The following SIMC1 variants were observed in gnomAD, a reference collection of about 807,000 sequenced individuals.
SIMC1 encodes SUMO-interacting motif-containing protein 1.
In SIMC1, 55 loss-of-function variants were observed where a neutral mutation model predicts 82.3. The observed-to-expected ratio is 0.67, with a 90% CI of 0.54 to 0.84. The LOEUF is 0.84. SIMC1 is among the 40% of genes least tolerant of loss of function. The pLI, the probability that SIMC1 is intolerant of heterozygous loss-of-function variation, is 0.00. For missense variants in SIMC1, 915 were observed against 1,107.2 expected, an observed-to-expected ratio of 0.83 and a Z score of 2.46; for synonymous variants, 353 against 426.3, an observed-to-expected ratio of 0.83 and a Z score of 2.12.
intron 1 of SIMC1, among the ~76,000 whole-genome samples, chr5:176,280,623 C>T (rs1762954505): frequency 6.6e-6 from 1 of 152,072 alleles, no homozygotes; most frequent in Non-Finnish European, 1.5e-5. Context: ...TCTTGTACGG[C>T]AGGCCTGGTG....
At chr5:176,248,113 C>T (rs1259033069) in intron 1 of SIMC1, among the ~76,000 whole-genome samples, 1 of 151,916 alleles carries the variant, frequency 6.6e-6, no homozygotes, top group Non-Finnish European at 1.5e-5. Flanking sequence ...TCCTTATGAA[C>T]TTTAAAGTAG....
chr5:176,276,830 C>A lies in SIMC1; in HGVS notation c.130-12824C>A, dbSNP rs1353934162. Among the ~76,000 whole-genome samples the A allele has an allele frequency of 2.4e-3, 353 of 145,284 alleles. 3 individuals carry two copies. The highest frequency in any genetic ancestry group is 0.01 in the Middle Eastern group (3 of 290). On this transcript the variant is annotated intron_variant, in intron 1 of 9. Transcript: ENST00000429602. ...CCATGGTGTATATGTGCCACATTTTCTTAATCCAGTCTATCATTGTTGGAC... is the reference window on the plus strand; with the variant it reads ...CCATGGTGTATATGTGCCACATTTTATTAATCCAGTCTATCATTGTTGGAC...
At chr5:176,258,818 C>A (rs1220498165) in intron 1 of SIMC1, among the ~76,000 whole-genome samples, 1 of 152,098 alleles carries the variant, frequency 6.6e-6, no homozygotes, top group Non-Finnish European at 1.5e-5. Flanking sequence ...CAGATCACTT[C>A]CAACATCCCT....
intron 1 of SIMC1, among the ~76,000 whole-genome samples, chr5:176,288,423 G>GAATGAATGAATAAATAAATA (rs1554109230): frequency 7.9e-5 from 10 of 126,738 alleles, no homozygotes; most frequent in Non-Finnish European, 1.5e-4. Context: ...ATGAATGAAT[G>GAATGAATGAATAAATAAATA]AATAAATAAA....
At chr5:176,265,081 G>T (rs1177868601) in intron 1 of SIMC1, among the ~76,000 whole-genome samples, 2 of 152,118 alleles carry the variant, frequency 1.3e-5, no homozygotes, top group Non-Finnish European at 2.9e-5. Context: ...CCTATTTCCA[G>T]ATGACATGAT....
chr5:176,336,731 T>C lies in SIMC1; in HGVS notation c.2183T>C (p.Phe728Ser), dbSNP rs1765912385. ...IPERSQREMF[F>S]TTMESHLLRC... is the part of the protein sequence containing the mutation. ...TCTTCTCCACACAGAGAAATGTTCT[T>C]TACTACCATGGAAAGCCACCTTCTG... The change falls in exon 8 of 10, where the codon TTT becomes TCT. Residue 728 changes from phenylalanine to serine, a missense_variant. Transcript: ENST00000429602. The C allele has an allele frequency of 2.5e-6, 4 of 1,613,860 alleles. No individual in the cohort carries two copies. Among genetic ancestry groups the C allele is most frequent in the Non-Finnish European group, 3.4e-6 (4 of 1,179,890 alleles).
chr5:176,313,692 G>A lies in SIMC1; in HGVS notation c.1736G>A (p.Gly579Glu), dbSNP rs1764771135. 3.1e-6 allele frequency: 5 copies of A among 1,613,350 alleles called. No homozygotes were observed. Among genetic ancestry groups the A allele is most frequent in the Admixed American group, 1.7e-5 (1 of 59,870 alleles). Reference sequence around the variant, plus strand: ...GACTTCTCATTCTTTTTCCCACAGGGACAAACTCTGCCTGGGCGAGTCCTT... The same window carrying A: ...GACTTCTCATTCTTTTTCCCACAGGAACAAACTCTGCCTGGGCGAGTCCTT... ...KLLTYVMEEE[G>E]QTLPGRVLFL... Residue 579 changes from glycine to glutamate, a missense_variant and splice_region_variant, in exon 5 of 10, where the codon GGA (glycine) becomes GAA (glutamate). This residue lies in a region of SIMC1 where 902 missense variants were observed against 1,040.3 expected (regional missense o/e 0.87). Coordinates refer to ENST00000429602, the MANE Select transcript of SIMC1 (RefSeq NM_001308195.2).
chr5:176,292,792 C>T (rs1363873631), intron 2 of SIMC1, among the ~76,000 whole-genome samples: 13 of 152,172 alleles, frequency 8.5e-5, no homozygotes, highest in Non-Finnish European at 1.8e-4. Context: ...CCGCCCACCT[C>T]GGCCTCCCAA....
At chr5:176,262,277 T>G (rs1762040006) in intron 1 of SIMC1, among the ~76,000 whole-genome samples, 1 of 72,290 alleles carries the variant, frequency 1.4e-5, no homozygotes, top group Admixed American at 1.5e-4. Context: ...CCATTCATGA[T>G]TTAAAAAAAA....
chr5:176,292,046 ACT>A (rs1404426089), intron 2 of SIMC1, among the ~76,000 whole-genome samples: 1 of 152,010 alleles, frequency 6.6e-6, no homozygotes, highest in African/African-American at 2.4e-5. Flanking sequence ...ACAGAGCAAG[ACT>A]CTGTCTCAAA....
At chr5:176,323,002 C>T (rs914955931) in intron 6 of SIMC1, among the ~76,000 whole-genome samples, 1 of 152,090 alleles carries the variant, frequency 6.6e-6, no homozygotes, top group African/African-American at 2.4e-5. Context: ...CTGGGGCTAC[C>T]CTTGCACAAA....
chr5:176,320,402 G>C (rs1258842813), intron 5 of SIMC1, among the ~76,000 whole-genome samples: 2 of 151,640 alleles, frequency 1.3e-5, no homozygotes, highest in Non-Finnish European at 2.9e-5. Flanking sequence ...GTCTCACTCT[G>C]GTTGCCCAAG....
chr5:176,242,627 C>T (rs1298092008), intron 1 of SIMC1, among the ~76,000 whole-genome samples: 5 of 151,966 alleles, frequency 3.3e-5, no homozygotes, highest in Non-Finnish European at 5.9e-5. Context: ...CAGTTCAAAC[C>T]TGTGTTGTTC....
intron 9 of SIMC1, among the ~76,000 whole-genome samples, chr5:176,343,880 A>G (rs1472402939): frequency 6.6e-6 from 1 of 151,000 alleles, no homozygotes; most frequent in African/African-American, 2.4e-5. Flanking sequence ...TACAACCTCC[A>G]CCTCCCGGGT....
chr5:176,277,209 C>T (rs1762747774), intron 1 of SIMC1, among the ~76,000 whole-genome samples: 2 of 151,676 alleles, frequency 1.3e-5, no homozygotes, highest in African/African-American at 4.9e-5. Context: ...TGATGATGAG[C>T]ATTTTTTCAT....
At chr5:176,241,666 G>A (rs998287951) in intron 1 of SIMC1, among the ~76,000 whole-genome samples, 1 of 151,724 alleles carries the variant, frequency 6.6e-6, no homozygotes, top group Admixed American at 6.6e-5. Flanking sequence ...ACTACCAGTG[G>A]CCTACTGTTG....
At chr5:176,276,047 G>T (rs1032501115) in intron 1 of SIMC1, among the ~76,000 whole-genome samples, 4 of 151,578 alleles carry the variant, frequency 2.6e-5, no homozygotes, top group African/African-American at 9.7e-5. Flanking sequence ...AGAAGGAATG[G>T]TACCAGTTCC....
At chr5:176,266,065 T>C (rs1006210062) in intron 1 of SIMC1, among the ~76,000 whole-genome samples, 1 of 152,188 alleles carries the variant, frequency 6.6e-6, no homozygotes, top group Admixed American at 6.5e-5. Flanking sequence ...TGGATTCTAC[T>C]TCCAATCTGT....
chr5:176,338,470 G>A (rs1281866402), intron 9 of SIMC1, among the ~76,000 whole-genome samples: 3 of 152,124 alleles, frequency 2.0e-5, no homozygotes, highest in East Asian at 1.9e-4. Flanking sequence ...CAAGGCTGTA[G>A]TACATTGTTC....
Sources: allele counts gnomAD v4.1 joint callset (sites outside exome capture counted in the v4.1 genomes callset), GRCh38; gene constraint gnomAD v4.1.1; regional missense constraint gnomAD v4.1.1; transcripts MANE v1.5; gene names NCBI Gene and HGNC (gene_info 2026-07-23, HGNC 2026-07-21).